SLC7A2: variants seen among roughly 807,000 people sequenced by gnomAD.
The protein encoded by SLC7A2 is solute carrier family 7 member 2, also known as cationic amino acid transporter 2.
SLC7A2 carries 48 observed loss-of-function variants against 58.9 expected under a neutral mutation model. The ratio of observed to expected loss-of-function variants is 0.82; its 90% CI spans 0.65 to 1.04. The LOEUF is 1.04. Ranked by LOEUF, SLC7A2 falls within the 50% of genes least tolerant of loss-of-function variation. SLC7A2 has a pLI of 0.00. For missense variants in SLC7A2, 1,029 were observed against 818.8 expected, an observed-to-expected ratio of 1.26 and a Z score of -3.13; for synonymous variants, 363 against 314.5, an observed-to-expected ratio of 1.15 and a Z score of -1.63.
chr8:17,511,389 G>C (rs1352090139), intron 2 of SLC7A2: 1 of 152,170 alleles, frequency 6.6e-6, no homozygotes. Context: ...AGTTGTTAAA[G>C]AATCAGAAGA....
At chr8:17,525,976 G>A (rs1412528968) in intron 2 of SLC7A2, among the ~76,000 whole-genome samples, 2 of 152,138 alleles carry the variant, frequency 1.3e-5, no homozygotes, top group East Asian at 1.9e-4. Flanking sequence ...ATATACCTTA[G>A]AACATTCCCT....
intron 10 of SLC7A2, among the ~76,000 whole-genome samples, chr8:17,561,164 A>G (rs191994251): frequency 8.5e-5 from 13 of 152,134 alleles, no homozygotes; most frequent in African/African-American, 2.4e-4. Flanking sequence ...AAAGATGCAG[A>G]TGATATATTA....
intron 2 of SLC7A2, among the ~76,000 whole-genome samples, chr8:17,512,418 G>A (rs149209054): frequency 3.9e-5 from 6 of 152,192 alleles, no homozygotes; most frequent in East Asian, 3.9e-4. Context: ...ATGGTGGCGC[G>A]TGTCTGTAAT....
intron 2 of SLC7A2, among the ~76,000 whole-genome samples, chr8:17,538,235 T>C (rs1801756802): frequency 6.6e-6 from 1 of 152,218 alleles, no homozygotes; most frequent in Non-Finnish European, 1.5e-5. Flanking sequence ...GCTTGTAACT[T>C]TGTAGTGGCC....
At chr8:17,536,080 G>C (rs551339802) in intron 2 of SLC7A2, among the ~76,000 whole-genome samples, 1 of 148,912 alleles carries the variant, frequency 6.7e-6, no homozygotes, top group African/African-American at 2.5e-5. Context: ...TCGCTCTGCC[G>C]CTAGCTTACT....
intron 2 of SLC7A2, among the ~76,000 whole-genome samples, chr8:17,505,708 C>T (rs1028662499): frequency 2.6e-5 from 4 of 152,156 alleles, no homozygotes; most frequent in Admixed American, 6.5e-5. Flanking sequence ...TCAGTGCCCT[C>T]TTTTCTTATC....
At chr8:17,518,627 A>C (rs1046889590) in intron 2 of SLC7A2, among the ~76,000 whole-genome samples, 1 of 118,738 alleles carries the variant, frequency 8.4e-6, no homozygotes, top group Non-Finnish European at 1.9e-5. Flanking sequence ...ACAACAAAAC[A>C]AAACCATTAG....
In SLC7A2 at chr8:17,543,612, C is replaced by T. The variant is rs746627676; in HGVS notation, c.273C>T (p.Ala91=). 4 of 1,601,702 alleles carry T rather than the reference C, an allele frequency of 2.5e-6. No homozygotes were observed. Among genetic ancestry groups the T allele is most frequent in the Non-Finnish European group, 3.4e-6 (4 of 1,174,170 alleles). ...GCCTCTGCTATGCCGAATTTGGGGCCCGTGTTCCCAAGACGGGGTCTGCAT... is the reference window on the plus strand; with the variant it reads ...GCCTCTGCTATGCCGAATTTGGGGCTCGTGTTCCCAAGACGGGGTCTGCAT... ...MAGLCYAEFG[A]RVPKTGSAYL... The change falls in exon 3 of 13, where the codon GCC becomes GCT. Residue 91 remains alanine (A), a synonymous_variant. Transcript: ENST00000494857.
intron 2 of SLC7A2, among the ~76,000 whole-genome samples, chr8:17,513,698 G>C (rs1800691752): frequency 6.6e-6 from 1 of 152,180 alleles, no homozygotes; most frequent in Non-Finnish European, 1.5e-5. Context: ...ATTTTTGGCA[G>C]AATCAAATGA....
At chr8:17,520,229 A>G (rs1800959908) in intron 2 of SLC7A2, among the ~76,000 whole-genome samples, 1 of 152,136 alleles carries the variant, frequency 6.6e-6, no homozygotes, top group South Asian at 2.1e-4. Context: ...ATTGTGACAT[A>G]TGTTCCAACT....
At chr8:17,553,473 A>T (rs1802545673) in intron 7 of SLC7A2, among the ~76,000 whole-genome samples, 1 of 152,206 alleles carries the variant, frequency 6.6e-6, no homozygotes, top group Admixed American at 6.5e-5. Context: ...ACAGAGCCTT[A>T]TTAAAGATAA....
intron 2 of SLC7A2, among the ~76,000 whole-genome samples, chr8:17,503,496 C>G (rs942117812): frequency 6.6e-6 from 1 of 152,154 alleles, no homozygotes; most frequent in Non-Finnish European, 1.5e-5. Flanking sequence ...ATTATTCATA[C>G]GCGGCGCTCA....
chr8:17,497,938 C>A (rs529825808), intron 1 of SLC7A2, among the ~76,000 whole-genome samples: 1 of 152,180 alleles, frequency 6.6e-6, no homozygotes, highest in African/African-American at 2.4e-5. Context: ...CCTGTCCGTT[C>A]AGAAAGTACC....
At chr8:17,564,834 AC>A in intron 12 of SLC7A2, 115 bp from the exon 13 acceptor site, 1 of 870,382 alleles carries the variant, frequency 1.1e-6, no homozygotes, top group South Asian at 1.8e-5. Flanking sequence ...GTTCTAAAGT[AC>A]TACAGAAAGG....
At chr8:17,526,942 G>T (rs7012059) in intron 2 of SLC7A2, among the ~76,000 whole-genome samples, 35 of 152,210 alleles carry the variant, frequency 2.3e-4, no homozygotes, top group African/African-American at 7.9e-4. Context: ...GAGAAATGTG[G>T]ATTTCCAGTT....
rs1803400532 is a variant in SLC7A2 at position 17,569,126 on chromosome 8, C to T, written c.*3980C>T. ...AGCCTTGCCTTCCCTCCTCTTAAAT[C>T]AGGGTGTGTTCCGAGATTACAGAAC... On this transcript the variant is annotated 3_prime_UTR_variant, in exon 13 of 13. Coordinates refer to ENST00000494857, the MANE Select transcript of SLC7A2 (RefSeq NM_001370338.1). 1 of 152,126 alleles carries T rather than the reference C, an allele frequency of 6.6e-6. No individual in the cohort carries two copies. Among genetic ancestry groups the T allele is most frequent in the South Asian group, 2.1e-4 (1 of 4,820 alleles). The allele number at this position is 152,126 out of a possible 1,614,324, so 9.4% of individuals were successfully genotyped here.
chr8:17,507,710 T>C (rs1175792707), intron 2 of SLC7A2, among the ~76,000 whole-genome samples: 2 of 152,216 alleles, frequency 1.3e-5, no homozygotes, highest in Non-Finnish European at 2.9e-5. Context: ...TGAGTAAATT[T>C]TAAAAACTCT....
At chr8:17,541,688 C>A (rs998277364) in intron 2 of SLC7A2, among the ~76,000 whole-genome samples, 1 of 152,158 alleles carries the variant, frequency 6.6e-6, no homozygotes. Flanking sequence ...ATGTACAGCT[C>A]TTTCATTTTT....
intron 2 of SLC7A2, among the ~76,000 whole-genome samples, chr8:17,507,035 C>T (rs1800395225): frequency 6.6e-6 from 1 of 151,222 alleles, no homozygotes; most frequent in Admixed American, 6.6e-5. Context: ...ACCTCCACCT[C>T]CCAGGTTCAA....
Sources: gnomAD v4.1 joint callset for allele counts (sites outside exome capture counted in the v4.1 genomes callset) on GRCh38, gnomAD v4.1.1 for gene constraint, MANE v1.5 for transcripts, NCBI Gene and HGNC (gene_info 2026-07-23, HGNC 2026-07-21) for gene names.